The following DOK5 variants were observed in gnomAD, a reference collection of about 807,000 sequenced individuals.
The protein encoded by DOK5 is docking protein 5.
A neutral mutation model predicts 43.3 loss-of-function variants in DOK5; 27 were observed. The observed-to-expected ratio is 0.62, with a 90% CI of 0.46 to 0.86. DOK5 has a LOEUF of 0.86. Among genes scored for constraint, DOK5 ranks in the 40% least tolerant of loss-of-function variants. The pLI is 0.00. For synonymous variants in DOK5, 146 were observed against 140.1 expected (o/e 1.04, Z -0.30); for missense variants, 373 against 392.9 (o/e 0.95, Z 0.43).
At chr20:54,609,057 T>C (rs1413504694) in intron 5 of DOK5, among the ~76,000 whole-genome samples, 3 of 152,224 alleles carry the variant, frequency 2.0e-5, no homozygotes, top group Non-Finnish European at 2.9e-5. Context: ...GCCCACTACT[T>C]AGGCCATGCC....
At chr20:54,603,160 C>T (rs1013526848) in intron 5 of DOK5, among the ~76,000 whole-genome samples, 4 of 152,184 alleles carry the variant, frequency 2.6e-5, no homozygotes, top group African/African-American at 7.2e-5. Context: ...TGATGGATGT[C>T]GCCAGCTGTC....
intron 1 of DOK5, among the ~76,000 whole-genome samples, chr20:54,477,836 A>G (rs1176149593): frequency 1.3e-5 from 2 of 152,210 alleles, no homozygotes; most frequent in Non-Finnish European, 2.9e-5. Flanking sequence ...ATGGTAATTT[A>G]TTTGAAAAAC....
intron 1 of DOK5, among the ~76,000 whole-genome samples, chr20:54,523,446 A>T (rs1322134800): frequency 6.6e-6 from 1 of 152,008 alleles, no homozygotes; most frequent in Non-Finnish European, 1.5e-5. Flanking sequence ...CATGCCTGTT[A>T]TCCCAGCTAC....
intron 1 of DOK5, among the ~76,000 whole-genome samples, chr20:54,547,236 C>T (rs927832578): frequency 9.2e-5 from 14 of 152,256 alleles, no homozygotes; most frequent in South Asian, 2.1e-4. Context: ...GTTGCAATAG[C>T]GACCTGGGGG....
chr20:54,566,830 T>A (rs988572772), intron 2 of DOK5, among the ~76,000 whole-genome samples: 5 of 152,148 alleles, frequency 3.3e-5, no homozygotes, highest in Admixed American at 3.3e-4. Flanking sequence ...TTGCCCAGGC[T>A]GGACTTGAAC....
chr20:54,535,314 T>G (rs1214526915), intron 1 of DOK5, among the ~76,000 whole-genome samples: 2 of 152,150 alleles, frequency 1.3e-5, no homozygotes, highest in Non-Finnish European at 2.9e-5. Flanking sequence ...AAAGAGTGCT[T>G]TCTCAACCAT....
intron 2 of DOK5, among the ~76,000 whole-genome samples, chr20:54,569,645 C>G (rs1413082806): frequency 1.3e-5 from 2 of 152,148 alleles, no homozygotes; most frequent in African/African-American, 2.4e-5. Flanking sequence ...AAATCATACA[C>G]CCACTGACAG....
chr20:54,494,424 C>T (rs1310338788), intron 1 of DOK5, among the ~76,000 whole-genome samples: 1 of 152,146 alleles, frequency 6.6e-6, no homozygotes, highest in East Asian at 1.9e-4. Flanking sequence ...GTGTGGTGAG[C>T]ATGGTTTTAA....
At chr20:54,566,149 T>A (rs1985092011) in intron 2 of DOK5, among the ~76,000 whole-genome samples, 1 of 151,054 alleles carries the variant, frequency 6.6e-6, no homozygotes, top group South Asian at 2.1e-4. Flanking sequence ...TTTCTACAGT[T>A]TTTTTTTTCT....
chr20:54,526,344 T>C (rs1157505870), intron 1 of DOK5, among the ~76,000 whole-genome samples: 1 of 152,134 alleles, frequency 6.6e-6, no homozygotes, highest in Non-Finnish European at 1.5e-5. Context: ...GACGACGGCA[T>C]GGCGCCAGGA....
intron 1 of DOK5, among the ~76,000 whole-genome samples, chr20:54,502,028 A>G (rs1050200740): frequency 5.3e-5 from 8 of 152,110 alleles, no homozygotes; most frequent in Non-Finnish European, 8.8e-5. Context: ...AAAGTTGTCT[A>G]CCTCCACTGC....
In DOK5 at chr20:54,633,350, G is replaced by C. The variant is rs115100725; in HGVS notation, c.736-10108G>C. Among the ~76,000 whole-genome samples the C allele has an allele frequency of 4.6e-3, 695 of 152,336 alleles. 3 individuals are homozygous for C. The highest frequency in any genetic ancestry group is 0.016 in the African/African-American group (668 of 41,586). On this transcript the variant is annotated intron_variant, in intron 6 of 7. Transcript: ENST00000262593. ...GGCAGTGAATGTGGAGGGTAGTGTA[G>C]ATGAGAGCCGAGATTTCAGCAGAAT...
At chr20:54,478,027 A>C (rs1981505401) in intron 1 of DOK5, among the ~76,000 whole-genome samples, 2 of 152,216 alleles carry the variant, frequency 1.3e-5, no homozygotes, top group Non-Finnish European at 2.9e-5. Flanking sequence ...GCTAATGAGC[A>C]GTATACTTTC....
At chr20:54,593,816 TA>T (rs1364814611) in intron 5 of DOK5, among the ~76,000 whole-genome samples, 1 of 152,140 alleles carries the variant, frequency 6.6e-6, no homozygotes. Context: ...TATGCAGCCA[TA>T]AAAAAGAATG....
chr20:54,648,941 G>A (rs930771257), intron 7 of DOK5, among the ~76,000 whole-genome samples: 1 of 152,118 alleles, frequency 6.6e-6, no homozygotes, highest in Non-Finnish European at 1.5e-5. Context: ...TTGCTCCAGT[G>A]TTTTCCGAAC....
intron 5 of DOK5, among the ~76,000 whole-genome samples, chr20:54,605,506 A>G (rs1464649449): frequency 1.3e-5 from 2 of 152,074 alleles, no homozygotes; most frequent in African/African-American, 2.4e-5. Context: ...CACCTCCCCA[A>G]CATGTTGGCT....
chr20:54,477,012 G>T (rs6014029), intron 1 of DOK5, among the ~76,000 whole-genome samples: 13,564 of 145,746 alleles, frequency 0.093, 1,566 homozygotes, highest in African/African-American at 0.27. Flanking sequence ...GATCCTGTGC[G>T]TTTGGACATA....
intron 1 of DOK5, among the ~76,000 whole-genome samples, chr20:54,478,022 T>G (rs889194995): frequency 2.0e-5 from 3 of 152,234 alleles, no homozygotes; most frequent in African/African-American, 4.8e-5. Context: ...TGGATGCTAA[T>G]GAGCAGTATA....
chr20:54,510,225 T>G (rs1001628563), intron 1 of DOK5, among the ~76,000 whole-genome samples: 1 of 152,222 alleles, frequency 6.6e-6, no homozygotes, highest in Admixed American at 6.5e-5. Flanking sequence ...TAGGTTCTCC[T>G]TTCTCCCTTC....
Sources: allele counts gnomAD v4.1 joint callset (sites outside exome capture counted in the v4.1 genomes callset), GRCh38; gene constraint gnomAD v4.1.1; transcripts MANE v1.5; gene names NCBI Gene and HGNC (gene_info 2026-07-23, HGNC 2026-07-21).